PDE10A: variants seen among roughly 807,000 people sequenced by gnomAD.
The protein encoded by PDE10A is phosphodiesterase 10A.
A neutral mutation model predicts 97.7 loss-of-function variants in PDE10A; 39 were observed. That is an observed-to-expected ratio of 0.40 (90% confidence interval 0.31 to 0.52). The LOEUF (loss-of-function observed/expected upper bound fraction) is 0.52, where lower values mean the gene tolerates loss of function less well. Ranked by LOEUF, PDE10A falls within the 20% of genes least tolerant of loss-of-function variation. The probability of loss-of-function intolerance (pLI) is 0.56; values close to 1 mark genes in which losing one functional copy is unlikely to be tolerated. For missense variants in PDE10A, 731 were observed against 1,047.8 expected, an observed-to-expected ratio of 0.70 and a Z score of 4.17; for synonymous variants, 371 against 376.8, an observed-to-expected ratio of 0.98 and a Z score of 0.18.
At chr6:165,825,427 G>A (rs1442611966) in intron 1 of PDE10A, among the ~76,000 whole-genome samples, 1 of 152,104 alleles carries the variant, frequency 6.6e-6, no homozygotes, top group Admixed American at 6.6e-5. Context: ...CAAGCTGTGT[G>A]GTCCCCAAAC....
In PDE10A at chr6:165,388,453, G is replaced by A. The variant is rs756499137; in HGVS notation, c.2455C>T (p.Arg819Cys). ...AGACACGCAATCAGCAGTCCTTTGC[G>A]CTTTAAAAAATAATATGATGCAGAG... ...NNHTLFTDLE[R>C]KGLLIACLCH... Residue 819 changes from arginine to cysteine, a missense_variant and splice_region_variant, in exon 17 of 22, where the codon CGC becomes TGC. Physicochemically the swap from Arg to Cys is radical, Grantham distance 180 (BLOSUM62 -3). Transcript: ENST00000539869. This position sits in a 1 kb window ranked among gnomAD's most constrained non-coding sequence, Gnocchi z 4.0. The A allele has an allele frequency of 6.8e-6, 11 of 1,613,780 alleles. No individual in the cohort carries two copies. The highest frequency in any genetic ancestry group is 1.1e-5 in the South Asian group (1 of 91,086).
chr6:165,585,382 G>A (rs1785847000), intron 1 of PDE10A, among the ~76,000 whole-genome samples: 1 of 152,196 alleles, frequency 6.6e-6, no homozygotes, highest in African/African-American at 2.4e-5. Flanking sequence ...AGGTGTTGCT[G>A]TGAAGGTATT....
chr6:165,567,033 CA>C (rs939823346), intron 1 of PDE10A, among the ~76,000 whole-genome samples: 3 of 152,152 alleles, frequency 2.0e-5, no homozygotes, highest in African/African-American at 7.2e-5. Context: ...ATAGCCAAAA[CA>C]TGGAAACTAC....
intron 1 of PDE10A, among the ~76,000 whole-genome samples, chr6:165,742,593 C>A (rs957701321): frequency 6.6e-6 from 1 of 152,122 alleles, no homozygotes; most frequent in Non-Finnish European, 1.5e-5. Context: ...TATTTTTAAA[C>A]AACCTCATGA....
At chr6:165,438,691 C>A (rs1790217744) in intron 5 of PDE10A, among the ~76,000 whole-genome samples, 1 of 152,116 alleles carries the variant, frequency 6.6e-6, no homozygotes, top group African/African-American at 2.4e-5. Context: ...GGCGCAGTAA[C>A]TCATGCTTAT....
At chr6:165,593,478 A>T (rs1014737198) in intron 1 of PDE10A, among the ~76,000 whole-genome samples, 1 of 152,162 alleles carries the variant, frequency 6.6e-6, no homozygotes, top group Non-Finnish European at 1.5e-5. Flanking sequence ...GTCCTGGCTA[A>T]CAAAGTTGAT....
intron 1 of PDE10A, among the ~76,000 whole-genome samples, chr6:165,983,324 A>G (rs563143943): frequency 6.6e-6 from 1 of 152,340 alleles, no homozygotes; most frequent in East Asian, 1.9e-4. Context: ...GGGGCCACAC[A>G]GCACAATAGC....
Position 165,333,146 on chromosome 6 carries a change from G to A in PDE10A, c.3066-19C>T, listed in dbSNP as rs766251949. On this transcript the variant is annotated intron_variant, in intron 21 of 21. Transcript: ENST00000539869. ...ATTATCCCTAGGGATAAAAGATGCAGTTTCAGGAGAAGCTGAATAAAGGAT... is the reference window on the plus strand; with the variant it reads ...ATTATCCCTAGGGATAAAAGATGCAATTTCAGGAGAAGCTGAATAAAGGAT... 1 of 1,396,530 alleles carries A rather than the reference G, an allele frequency of 7.2e-7. No individual in the cohort carries two copies. Among genetic ancestry groups the A allele is most frequent in the Non-Finnish European group, 1.0e-6 (1 of 980,994 alleles). 86.5% of individuals were successfully genotyped at this position (1,396,530 alleles called of 1,614,324 possible). A position where few individuals can be genotyped will look rare whatever the true frequency, so the allele number is the denominator to read the frequency against.
At chr6:165,607,278 G>A (rs1787255924) in intron 1 of PDE10A, among the ~76,000 whole-genome samples, 1 of 152,160 alleles carries the variant, frequency 6.6e-6, no homozygotes, top group Admixed American at 6.5e-5. Context: ...GCGTAATGAT[G>A]TTTTGGTCAA....
At chr6:165,980,491 A>T (rs1162845001) in intron 1 of PDE10A, among the ~76,000 whole-genome samples, 2 of 152,248 alleles carry the variant, frequency 1.3e-5, no homozygotes, top group African/African-American at 4.8e-5. Context: ...ACGGAATATT[A>T]TACAGGCAAT....
chr6:165,734,271 C>A (rs1381150295), intron 1 of PDE10A, among the ~76,000 whole-genome samples: 2 of 152,152 alleles, frequency 1.3e-5, no homozygotes, highest in Non-Finnish European at 2.9e-5. Flanking sequence ...GGGGAGGTGA[C>A]ACGCCTGGGC....
At chr6:165,534,459 T>C (rs936833355) in intron 2 of PDE10A, among the ~76,000 whole-genome samples, 27 of 152,162 alleles carry the variant, frequency 1.8e-4, no homozygotes, top group African/African-American at 5.1e-4. Flanking sequence ...GAGGCCAGCA[T>C]TATCCTGATT....
At position 165,576,442 on chromosome 6, in the gene PDE10A, T is replaced by C. The variant is rs1347152181; in HGVS notation, c.866-32874A>G. The C allele has an allele frequency of 3.8e-6, 3 of 780,924 alleles. No individual in the cohort carries two copies. The Admixed American group carries it at 5.1e-5, about 13-fold the overall frequency. The allele number at this position is 780,924 out of a possible 1,614,324, so 48.4% of individuals were successfully genotyped here. A position where few individuals can be genotyped will look rare whatever the true frequency, so the allele number is the denominator to read the frequency against. On this transcript the variant is annotated intron_variant, in intron 1 of 21. Coordinates refer to ENST00000539869, the MANE Select transcript of PDE10A (RefSeq NM_001385079.1). The stretch of plus-strand genomic sequence containing the variant: ...AAATGTTGGGATTTCCTCTCTTCTA[T>C]CCTCATTCTACATTCTTTTCCTTCA...
chr6:165,887,354 T>C (rs2089812), intron 1 of PDE10A, among the ~76,000 whole-genome samples: 38,084 of 152,132 alleles, frequency 0.25, 5,624 homozygotes, highest in African/African-American at 0.41. Context: ...CATCACTGGG[T>C]TCTTATCTCC....
intron 2 of PDE10A, among the ~76,000 whole-genome samples, chr6:165,515,020 T>C (rs1457094528): frequency 6.6e-6 from 1 of 152,166 alleles, no homozygotes. Flanking sequence ...AGAGCAGCAA[T>C]TTTCAATGTG....
rs116734276 is a variant in PDE10A, at chr6:165,479,844, G to A, written c.1023+2471C>T. 2.5e-3 allele frequency among the ~76,000 whole-genome samples: 388 copies of A among 152,298 alleles called. 2 individuals are homozygous for A. Among genetic ancestry groups the A allele is most frequent in the African/African-American group, 9.1e-3 (380 of 41,568 alleles). On this transcript the variant is annotated intron_variant, in intron 3 of 21. Transcript: ENST00000539869. ...GGAAAGGAAAATAGAGAAAAGGGAA[G>A]GGGAAGAGACATAAAACCTACAGGT...
intron 1 of PDE10A, among the ~76,000 whole-genome samples, chr6:165,782,445 T>C (rs1477061249): frequency 6.6e-6 from 1 of 152,204 alleles, no homozygotes; most frequent in Non-Finnish European, 1.5e-5. Flanking sequence ...CCTGATTACC[T>C]GTATCACCAA....
chr6:165,595,999 T>C (rs1209998821), intron 1 of PDE10A, among the ~76,000 whole-genome samples: 3 of 152,156 alleles, frequency 2.0e-5, no homozygotes. Context: ...AAACACCTAA[T>C]ACAGTGTTGA....
chr6:165,494,060 T>C lies in PDE10A; in HGVS notation c.995-11717A>G, dbSNP rs182546724. 1.3e-4 allele frequency among the ~76,000 whole-genome samples: 19 copies of C among 150,764 alleles called. No individual in the cohort carries two copies. In the East Asian group the frequency reaches 3.3e-3, roughly 26 times the overall value. The stretch of plus-strand genomic sequence containing the variant: ...GATATACAAATGGCCAAAAAACGTA[T>C]GAAAAAATACTCAACATCACTAATT... On this transcript the variant is annotated intron_variant, in intron 2 of 21. Coordinates refer to ENST00000539869, the MANE Select transcript of PDE10A (RefSeq NM_001385079.1).
Sources: allele counts gnomAD v4.1 joint callset (sites outside exome capture counted in the v4.1 genomes callset), GRCh38; gene constraint gnomAD v4.1.1; non-coding constraint Gnocchi (gnomAD v3.1); transcripts MANE v1.5; gene names NCBI Gene and HGNC (gene_info 2026-07-23, HGNC 2026-07-21).